The following GLRX3 variants were observed in gnomAD, a reference collection of about 807,000 sequenced individuals.
GLRX3 encodes the protein glutaredoxin 3, also known as glutaredoxin-3.
In GLRX3, 22 loss-of-function variants were observed where a neutral mutation model predicts 49.5. That is an observed-to-expected ratio of 0.44 (90% CI 0.32 to 0.63). The LOEUF is 0.63. GLRX3 is among the 30% of genes least tolerant of loss of function. The pLI, the probability that GLRX3 is intolerant of heterozygous loss-of-function variation, is 0.05. For synonymous variants in GLRX3, 133 were observed against 140.0 expected (o/e 0.95, Z 0.35); for missense variants, 385 against 396.3 (o/e 0.97, Z 0.24).
At chr10:130,138,148 C>T (rs1862101538) in intron 1 of GLRX3, among the ~76,000 whole-genome samples, 1 of 152,108 alleles carries the variant, frequency 6.6e-6, no homozygotes, top group Non-Finnish European at 1.5e-5. Flanking sequence ...CCTCTACCTC[C>T]TGGGTTCAAG....
At chr10:130,158,337 C>A (rs113157322) in intron 2 of GLRX3, among the ~76,000 whole-genome samples, 3 of 152,062 alleles carry the variant, frequency 2.0e-5, no homozygotes, top group African/African-American at 7.2e-5. Context: ...CTCAGCATCC[C>A]GAGTAGCCGG....
intron 2 of GLRX3, among the ~76,000 whole-genome samples, chr10:130,155,114 G>A (rs975650770): frequency 1.3e-5 from 2 of 152,106 alleles, no homozygotes; most frequent in Non-Finnish European, 2.9e-5. Context: ...TGGGATTACA[G>A]GTGTGAGCTA....
intron 1 of GLRX3, among the ~76,000 whole-genome samples, chr10:130,141,029 A>G (rs72848306): frequency 0.22 from 32,831 of 152,146 alleles, 3,876 homozygotes; most frequent in South Asian, 0.3. Flanking sequence ...ATCATTGAAT[A>G]TTATGATTTA....
At chr10:130,154,423 GC>G (rs1564991791) in intron 2 of GLRX3, among the ~76,000 whole-genome samples, 1 of 152,180 alleles carries the variant, frequency 6.6e-6, no homozygotes, top group Non-Finnish European at 1.5e-5. Flanking sequence ...CATTGATCTC[GC>G]TGGGAGCTGC....
intron 1 of GLRX3, among the ~76,000 whole-genome samples, chr10:130,139,207 G>A (rs949558315): frequency 1.3e-5 from 2 of 151,932 alleles, no homozygotes; most frequent in Non-Finnish European, 2.9e-5. Flanking sequence ...TATCCTTGCC[G>A]CTGGCCTGTA....
At chr10:130,168,146 T>A (rs534577778) in intron 6 of GLRX3, among the ~76,000 whole-genome samples, 5 of 152,342 alleles carry the variant, frequency 3.3e-5, no homozygotes, top group Non-Finnish European at 7.3e-5. Flanking sequence ...CGGGCTAGAA[T>A]TATGTCGGAA....
At chr10:130,177,413 G>A (rs1452609245) in intron 10 of GLRX3, among the ~76,000 whole-genome samples, 1 of 152,200 alleles carries the variant, frequency 6.6e-6, no homozygotes, top group Non-Finnish European at 1.5e-5. Flanking sequence ...CAGCAGTGAG[G>A]GTGGCGAGGA....
intron 10 of GLRX3, among the ~76,000 whole-genome samples, chr10:130,175,516 G>A (rs1055157954): frequency 1.3e-5 from 2 of 152,112 alleles, no homozygotes; most frequent in Admixed American, 6.5e-5. Context: ...CTGGTCCCCC[G>A]AAAGAAAAAA....
intron 2 of GLRX3, among the ~76,000 whole-genome samples, chr10:130,157,403 G>T (rs1862491446): frequency 6.8e-6 from 1 of 147,840 alleles, no homozygotes; most frequent in African/African-American, 2.5e-5. Context: ...GAGAAAGAGG[G>T]AGAAAGACAG....
At chr10:130,169,245 T>C (rs1257119504) in intron 6 of GLRX3, among the ~76,000 whole-genome samples, 188 bp from the exon 7 acceptor site, 1 of 152,216 alleles carries the variant, frequency 6.6e-6, no homozygotes, top group Admixed American at 6.5e-5. Flanking sequence ...AGCCATATTG[T>C]GTTTTACAGT....
Position 130,166,687 on chromosome 10 carries a change from T to A in GLRX3, c.651+8T>A. The A allele has an allele frequency of 6.4e-7, 1 of 1,563,134 alleles. No individual in the cohort carries two copies. Among genetic ancestry groups the A allele is most frequent in the Non-Finnish European group, 8.8e-7 (1 of 1,135,878 alleles). On this transcript the variant is annotated splice_region_variant and intron_variant, in intron 5 of 10. Transcript: ENST00000331244. The stretch of plus-strand genomic sequence containing the variant: ...GGACTTGATATAATTAAGGTTAGAA[T>A]TGAGAAGTCTGTGCTTTGTAAAGAA...
chr10:130,167,043 C>T, intron 6 of GLRX3, 63 bp downstream of exon 6: 1 of 866,520 alleles, frequency 1.2e-6, no homozygotes, highest in Non-Finnish European at 1.8e-6. Context: ...TTTTAAAGTC[C>T]TCAGGTTTTG....
rs1862511886 is a variant in GLRX3, at chr10:130,158,132, A to C, written c.202-1863A>C. Among the ~76,000 whole-genome samples, 2 of 152,174 alleles carry C rather than the reference A, an allele frequency of 1.3e-5. 1 individual carries two copies. Among genetic ancestry groups the C allele is most frequent in the African/African-American group, 4.8e-5 (2 of 41,436 alleles). ...TGGTAGTTCTCAGCCTTCAGCAGGA[A>C]TTGTAAGAGGTCATTTGCTTCCCAG... On this transcript the variant is annotated intron_variant, in intron 2 of 10. Transcript: ENST00000331244.
At chr10:130,177,490 C>CG (rs1341882064) in intron 10 of GLRX3, among the ~76,000 whole-genome samples, 1 of 152,176 alleles carries the variant, frequency 6.6e-6, no homozygotes, top group Non-Finnish European at 1.5e-5. Flanking sequence ...GGCTGCTTCA[C>CG]GTAATCTCCC....
At position 130,175,030 on chromosome 10, in the gene GLRX3, C is replaced by T; in HGVS notation, c.898C>T (p.Pro300Ser). Reference protein sequence around the residue: ...RQGLKAYSNWPTYPQLYVKGE... With the variant: ...RQGLKAYSNWSTYPQLYVKGE... ...AGGATTAAAAGCTTACTCAAATTGGCCAACATACCCTCAGCTGTATGTGAA... is the reference window on the plus strand; with the variant it reads ...AGGATTAAAAGCTTACTCAAATTGGTCAACATACCCTCAGCTGTATGTGAA... Residue 300 changes from proline to serine, a missense_variant, in exon 10 of 11, where the codon CCA (proline) becomes TCA (serine). Physicochemically the swap from Pro to Ser is moderately conservative, Grantham distance 74 (BLOSUM62 -1). Transcript: ENST00000331244. 1 of 1,609,404 alleles carries T rather than the reference C, an allele frequency of 6.2e-7. No homozygotes were observed.
intron 10 of GLRX3, among the ~76,000 whole-genome samples, chr10:130,177,908 T>C (rs771181779): frequency 6.6e-5 from 10 of 152,232 alleles, no homozygotes; most frequent in South Asian, 2.1e-4. Context: ...TAAATGTTTC[T>C]TTAAACCAGA....
Position 130,160,810 on chromosome 10 carries a change from C to T in GLRX3, c.291C>T (p.Ile97=), listed in dbSNP as rs748966258. ...TFLFFKNSQK[I]DRLDGAHAPE... The stretch of plus-strand genomic sequence containing the variant: ...TTAAACTTTAGAATTCTCAGAAAAT[C>T]GACCGATTAGATGGTGCACATGCCC... The change falls in exon 4 of 11, where the codon ATC becomes ATT. Residue 97 remains isoleucine, a synonymous_variant. Coordinates refer to ENST00000331244, the MANE Select transcript of GLRX3 (RefSeq NM_006541.5). 6.3e-7 allele frequency: 1 copy of T among 1,590,604 alleles called. No individual in the cohort carries two copies. Among genetic ancestry groups the T allele is most frequent in the African/African-American group, 1.3e-5 (1 of 74,584 alleles).
chr10:130,177,118 C>T (rs1404004007), intron 10 of GLRX3, among the ~76,000 whole-genome samples: 1 of 152,116 alleles, frequency 6.6e-6, no homozygotes, highest in East Asian at 1.9e-4. Flanking sequence ...CTGTTTCTTG[C>T]AGAATGCAGT....
At chr10:130,175,520 GA>G (rs1862899885) in intron 10 of GLRX3, among the ~76,000 whole-genome samples, 1 of 152,112 alleles carries the variant, frequency 6.6e-6, no homozygotes, top group African/African-American at 2.4e-5. Flanking sequence ...TCCCCCGAAA[GA>G]AAAAATGTAG....
Sources: allele counts gnomAD v4.1 joint callset (sites outside exome capture counted in the v4.1 genomes callset), GRCh38; gene constraint gnomAD v4.1.1; transcripts MANE v1.5; gene names NCBI Gene and HGNC (gene_info 2026-07-23, HGNC 2026-07-21).